The following GRIN3A variants were observed in gnomAD, a reference collection of about 807,000 sequenced individuals.
GRIN3A encodes glutamate receptor ionotropic, NMDA 3A.
A neutral mutation model predicts 92.4 loss-of-function variants in GRIN3A; 47 were observed. The observed-to-expected ratio is 0.51, with a 90% CI of 0.40 to 0.65. The LOEUF is 0.65. GRIN3A is among the 30% of genes least tolerant of loss of function. The probability of loss-of-function intolerance (pLI) is 0.00; values close to 1 mark genes in which losing one functional copy is unlikely to be tolerated. For missense variants in GRIN3A, 1,324 were observed against 1,393.1 expected, an observed-to-expected ratio of 0.95 and a Z score of 0.79; for synonymous variants, 527 against 540.6, an observed-to-expected ratio of 0.97 and a Z score of 0.35.
At chr9:101,663,564 C>T (rs1421835539) in intron 3 of GRIN3A, among the ~76,000 whole-genome samples, 1 of 151,756 alleles carries the variant, frequency 6.6e-6, no homozygotes, top group Admixed American at 6.6e-5. Context: ...TTTGTGGCAG[C>T]TTTCATTATA....
chr9:101,601,476 A>G (rs1269362479), intron 6 of GRIN3A, among the ~76,000 whole-genome samples: 1 of 152,226 alleles, frequency 6.6e-6, no homozygotes, highest in African/African-American at 2.4e-5. Flanking sequence ...TGCAAGAGGC[A>G]CTAGAAGTAA....
chr9:101,628,808 G>A (rs1260097991), intron 3 of GRIN3A, among the ~76,000 whole-genome samples: 1 of 151,758 alleles, frequency 6.6e-6, no homozygotes, highest in East Asian at 1.9e-4. Context: ...CTTACATCCT[G>A]AGATTACAAT....
intron 3 of GRIN3A, among the ~76,000 whole-genome samples, chr9:101,655,574 A>G (rs1207570131): frequency 6.6e-6 from 1 of 151,964 alleles, no homozygotes; most frequent in Non-Finnish European, 1.5e-5. Context: ...GTTTAATATG[A>G]GGCAGCACAT....
At position 101,594,726 on chromosome 9, in the gene GRIN3A, C is replaced by T. The variant is rs202237297; in HGVS notation, c.2767-15366G>A. 4.0e-4 allele frequency: 642 copies of T among 1,614,094 alleles called. No individual in the cohort carries two copies. Among genetic ancestry groups the T allele is most frequent in the Non-Finnish European group, 5.2e-4 (613 of 1,180,064 alleles). On this transcript the variant is annotated intron_variant, in intron 6 of 8. Coordinates refer to ENST00000361820, the MANE Select transcript of GRIN3A (RefSeq NM_133445.3). The stretch of plus-strand genomic sequence containing the variant: ...TCCTTGAAGTCCACTTCTCCATCAC[C>T]GTCGGTGTCGAAGACGTCGATCACT...
At chr9:101,689,743 T>TACACACAC (rs33984810) in intron 1 of GRIN3A, among the ~76,000 whole-genome samples, 31 of 143,722 alleles carry the variant, frequency 2.2e-4, no homozygotes, top group African/African-American at 6.7e-4. Flanking sequence ...CACACACACA[T>TACACACAC]ACACACACAC....
intron 1 of GRIN3A, among the ~76,000 whole-genome samples, chr9:101,720,770 A>G (rs894334436): frequency 6.6e-6 from 1 of 152,220 alleles, no homozygotes; most frequent in African/African-American, 2.4e-5. Context: ...AAAAAATCAT[A>G]CACACATTTC....
At chr9:101,667,820 C>T (rs1294096774) in intron 3 of GRIN3A, among the ~76,000 whole-genome samples, 1 of 151,954 alleles carries the variant, frequency 6.6e-6, no homozygotes, top group Non-Finnish European at 1.5e-5. Context: ...AACAATTATT[C>T]CTCCTAAATC....
At chr9:101,680,479 G>T (rs1385137343) in intron 2 of GRIN3A, among the ~76,000 whole-genome samples, 1 of 152,120 alleles carries the variant, frequency 6.6e-6, no homozygotes, top group African/African-American at 2.4e-5. Context: ...TAAGCATAAA[G>T]ATAAACATAG....
At chr9:101,708,174 C>A (rs1295755757) in intron 1 of GRIN3A, among the ~76,000 whole-genome samples, 1 of 152,082 alleles carries the variant, frequency 6.6e-6, no homozygotes, top group East Asian at 1.9e-4. Context: ...GGTCCTGAGG[C>A]CCTGTCAGTG....
intron 5 of GRIN3A, among the ~76,000 whole-genome samples, chr9:101,618,806 AGT>A (rs1828507101): frequency 6.6e-6 from 1 of 152,194 alleles, no homozygotes; most frequent in South Asian, 2.1e-4. Flanking sequence ...CAAATTTGCT[AGT>A]GTTCATTGGT....
At chr9:101,725,167 G>T (rs1830069025) in intron 1 of GRIN3A, among the ~76,000 whole-genome samples, 1 of 152,184 alleles carries the variant, frequency 6.6e-6, no homozygotes, top group South Asian at 2.1e-4. Context: ...CATGGAAAAA[G>T]AAAGGGAATA....
rs547416994 is a variant in GRIN3A at position 101,680,057 on chromosome 9, A to T, written c.1304+6539T>A. 2.6e-5 allele frequency among the ~76,000 whole-genome samples: 4 copies of T among 152,348 alleles called. No homozygotes were observed. The East Asian group carries it at 5.8e-4, about 22-fold the overall frequency. Reference sequence around the variant, plus strand: ...TATGAATTTAGATAAACTGGTTTAAATCTTCCCCTGCAAAGTAGTAGCTGA... The same window carrying T: ...TATGAATTTAGATAAACTGGTTTAATTCTTCCCCTGCAAAGTAGTAGCTGA... On this transcript the variant is annotated intron_variant, in intron 2 of 8. Coordinates refer to ENST00000361820, the MANE Select transcript of GRIN3A (RefSeq NM_133445.3).
At chr9:101,727,021 A>G (rs374263227) in intron 1 of GRIN3A, among the ~76,000 whole-genome samples, 2 of 152,152 alleles carry the variant, frequency 1.3e-5, no homozygotes, top group East Asian at 3.9e-4. Context: ...AAACAAGGAA[A>G]ACAATGACGG....
intron 1 of GRIN3A, among the ~76,000 whole-genome samples, chr9:101,716,203 T>G (rs1234296579): frequency 2.0e-5 from 3 of 152,178 alleles, no homozygotes; most frequent in African/African-American, 7.2e-5. Flanking sequence ...CATAGAAATG[T>G]CAGTTTTTTT....
chr9:101,654,600 C>T (rs1829059697), intron 3 of GRIN3A, among the ~76,000 whole-genome samples: 1 of 151,698 alleles, frequency 6.6e-6, no homozygotes, highest in Non-Finnish European at 1.5e-5. Flanking sequence ...CTGTGTACTC[C>T]CTTCAAGGTC....
intron 2 of GRIN3A, among the ~76,000 whole-genome samples, chr9:101,673,225 A>G (rs887865104): frequency 2.0e-5 from 3 of 152,122 alleles, no homozygotes; most frequent in African/African-American, 7.2e-5. Flanking sequence ...TATCAGAAAA[A>G]GGCACTAGAA....
intron 6 of GRIN3A, among the ~76,000 whole-genome samples, chr9:101,602,178 A>T (rs1321054876): frequency 1.3e-5 from 2 of 152,272 alleles, no homozygotes; most frequent in Non-Finnish European, 2.9e-5. Context: ...ACGTCCTGAA[A>T]TTCTACCAAC....
At position 101,737,919 on chromosome 9, in the gene GRIN3A, A is replaced by C. The variant is rs1481309105; in HGVS notation, c.61T>G (p.Cys21Gly). ...GGCACCCCGGCCAGCACCAGTGCGC[A>C]GGGCGGCGGCAACAGCAGACAGACC... ...SRVCLLLPPP[C>G]ALVLAGVPSS... Residue 21 changes from cysteine (C) to glycine (G), a missense_variant, in exon 1 of 9, where the codon TGC becomes GGC. Transcript: ENST00000361820. 1 of 1,536,672 alleles carries C rather than the reference A, an allele frequency of 6.5e-7. No homozygotes were observed. Among genetic ancestry groups the C allele is most frequent in the Admixed American group, 1.9e-5 (1 of 51,464 alleles).
intron 6 of GRIN3A, among the ~76,000 whole-genome samples, chr9:101,587,137 C>T (rs1827959956): frequency 6.6e-6 from 1 of 152,046 alleles, no homozygotes; most frequent in Admixed American, 6.6e-5. Context: ...TGGTGAAACC[C>T]TGTCTCTACT....
Sources: allele counts gnomAD v4.1 joint callset (sites outside exome capture counted in the v4.1 genomes callset), GRCh38; gene constraint gnomAD v4.1.1; transcripts MANE v1.5; gene names NCBI Gene and HGNC (gene_info 2026-07-23, HGNC 2026-07-21).